CNST: variants seen among roughly 807,000 people sequenced by gnomAD.
The protein encoded by CNST is consortin.
Under a neutral mutation model 72.4 loss-of-function variants are expected in CNST, and 39 were observed. That is an observed-to-expected ratio of 0.54 (90% confidence interval 0.42 to 0.70). The LOEUF (loss-of-function observed/expected upper bound fraction) is 0.70. Ranked by LOEUF, CNST falls within the 30% of genes least tolerant of loss-of-function variation. The pLI, the probability that CNST is intolerant of heterozygous loss-of-function variation, is 0.00. For synonymous variants in CNST, 332 were observed against 320.1 expected, an observed-to-expected ratio of 1.04 and a Z score of -0.40; for missense variants, 871 against 868.5, an observed-to-expected ratio of 1.00 and a Z score of -0.04.
At chr1:246,619,694 T>G (rs753492838) in intron 2 of CNST, among the ~76,000 whole-genome samples, 1 of 152,252 alleles carries the variant, frequency 6.6e-6, no homozygotes, top group Non-Finnish European at 1.5e-5. Context: ...GGATCTGTAA[T>G]TGCTCAGAAA....
rs1667376121 is a variant in CNST at position 246,665,998 on chromosome 1, C to T, written c.*93C>T. On this transcript the variant is annotated 3_prime_UTR_variant, in exon 11 of 11. Transcript: ENST00000366513. ...TTTCAGGAATTCTGTAGCATTCCCCCTTCCCTCTGTTAGGAACCAAGGACA... is the reference window on the plus strand; with the variant it reads ...TTTCAGGAATTCTGTAGCATTCCCCTTTCCCTCTGTTAGGAACCAAGGACA... The T allele has an allele frequency of 1.1e-6, 1 of 887,608 alleles. No homozygotes were observed. The highest frequency in any genetic ancestry group is 1.7e-5 in the South Asian group (1 of 60,360). 55.0% of individuals were successfully genotyped at this position (887,608 alleles called of 1,614,324 possible).
Position 246,634,557 on chromosome 1 carries a change from G to T in CNST, c.788G>T (p.Arg263Leu), listed in dbSNP as rs761519634. Residue 263 changes from arginine (R) to leucine (L), a missense_variant, in exon 6 of 11, where the codon CGG becomes CTG. Arg to Leu is a moderately radical substitution (Grantham distance 102). Coordinates refer to ENST00000366513, the MANE Select transcript of CNST (RefSeq NM_152609.3). ...GGATTTAATGGTGAAGATTTTGAAC[G>T]GCTTACGAAAATTTGTGCAACACAT... is the stretch of plus-strand genomic sequence containing the variant. ...EKGFNGEDFE[R>L]LTKICATHQD... is the part of the protein sequence containing the mutation. 1.2e-6 allele frequency: 2 copies of T among 1,607,682 alleles called. No individual in the cohort carries two copies. Among genetic ancestry groups the T allele is most frequent in the South Asian group, 2.2e-5 (2 of 89,718 alleles).
chr1:246,664,641 T>C (rs573766741), intron 10 of CNST, among the ~76,000 whole-genome samples: 7 of 151,776 alleles, frequency 4.6e-5, no homozygotes, highest in East Asian at 3.9e-4. Context: ...TCAGCCAGGA[T>C]GGTCTCGATC....
At chr1:246,611,692 A>G (rs1663325381) in intron 2 of CNST, among the ~76,000 whole-genome samples, 1 of 152,234 alleles carries the variant, frequency 6.6e-6, no homozygotes, top group Non-Finnish European at 1.5e-5. Context: ...ACAGTTACAC[A>G]TAGAATTACC....
chr1:246,620,896 G>A (rs976960853), intron 2 of CNST, among the ~76,000 whole-genome samples: 17 of 144,936 alleles, frequency 1.2e-4, no homozygotes, highest in South Asian at 4.6e-4. Context: ...TGGGCTCTGG[G>A]CACTACAGGG....
intron 1 of CNST, among the ~76,000 whole-genome samples, chr1:246,580,037 T>G (rs948656223): frequency 8.5e-5 from 13 of 152,226 alleles, no homozygotes; most frequent in African/African-American, 3.1e-4. Flanking sequence ...CCTTTCTTAC[T>G]GCTCTGTCTT....
At chr1:246,598,497 G>GT (rs1255521970) in intron 2 of CNST, among the ~76,000 whole-genome samples, 8 of 151,966 alleles carry the variant, frequency 5.3e-5, no homozygotes, top group African/African-American at 1.9e-4. Context: ...TTCCATACTA[G>GT]TTTAATGTCA....
chr1:246,641,753 C>G lies in CNST; in HGVS notation c.823C>G (p.Leu275Val), dbSNP rs868388437. The G allele has an allele frequency of 4.5e-6, 6 of 1,348,112 alleles. No individual in the cohort carries two copies. The highest frequency in any genetic ancestry group is 3.7e-4 in the Middle Eastern group (2 of 5,454). 83.5% of individuals were successfully genotyped at this position (1,348,112 alleles called of 1,614,324 possible). A position where few individuals can be genotyped will look rare whatever the true frequency, so the allele number is the denominator to read the frequency against. Reference protein sequence around the residue: ...TKICATHQDPLLSKHKIAAVE... With the variant: ...TKICATHQDPVLSKHKIAAVE... Reference sequence around the variant, plus strand: ...TTTCTTTCTTTTTTCCTACAGTCCTCTTTTATCCAAACATAAGGTAAGAGA... The same window carrying G: ...TTTCTTTCTTTTTTCCTACAGTCCTGTTTTATCCAAACATAAGGTAAGAGA... The change falls in exon 7 of 11, where the codon CTT becomes GTT. Residue 275 changes from leucine to valine, a missense_variant. Coordinates refer to ENST00000366513, the MANE Select transcript of CNST (RefSeq NM_152609.3).
chr1:246,634,098 A>G (rs1377125955), intron 5 of CNST, 88 bp downstream of exon 5: 1 of 843,636 alleles, frequency 1.2e-6, no homozygotes, highest in Non-Finnish European at 2.0e-6. Flanking sequence ...CTGGTTTTAT[A>G]AATCAGAAAA....
At chr1:246,628,611 A>G (rs1664593313) in intron 3 of CNST, among the ~76,000 whole-genome samples, 1 of 152,216 alleles carries the variant, frequency 6.6e-6, no homozygotes, top group African/African-American at 2.4e-5. Flanking sequence ...AACTGAAGTC[A>G]TATGCTTGGC....
chr1:246,622,081 G>T (rs777615557), intron 3 of CNST, among the ~76,000 whole-genome samples: 2 of 152,126 alleles, frequency 1.3e-5, no homozygotes, highest in African/African-American at 4.8e-5. Flanking sequence ...TGGTGAGCCC[G>T]GGGGAGGGTG....
intron 6 of CNST, among the ~76,000 whole-genome samples, chr1:246,638,499 C>T (rs1389745682): frequency 6.6e-6 from 1 of 152,144 alleles, no homozygotes; most frequent in African/African-American, 2.4e-5. Context: ...CCCGTTCTTT[C>T]CAGATGGACA....
At chr1:246,605,803 G>T (rs1215943692) in intron 2 of CNST, 1 of 125,268 alleles carries the variant, frequency 8.0e-6, no homozygotes, top group Admixed American at 7.9e-5. Flanking sequence ...TCTTCCGGCC[G>T]GGGTGCGTGT....
At chr1:246,578,020 C>T (rs1426850341) in intron 1 of CNST, among the ~76,000 whole-genome samples, 1 of 151,924 alleles carries the variant, frequency 6.6e-6, no homozygotes, top group Non-Finnish European at 1.5e-5. Flanking sequence ...GAGATATAAC[C>T]ATTTTTTTCT....
chr1:246,664,675 C>T (rs1352321998), intron 10 of CNST, among the ~76,000 whole-genome samples: 2 of 152,098 alleles, frequency 1.3e-5, no homozygotes, highest in Non-Finnish European at 2.9e-5. Context: ...ATCCGCCCGC[C>T]TCAGCCTCCC....
intron 8 of CNST, among the ~76,000 whole-genome samples, chr1:246,646,903 C>T (rs1173214860): frequency 6.6e-6 from 1 of 152,142 alleles, no homozygotes; most frequent in Admixed American, 6.5e-5. Context: ...TTAATGAGGA[C>T]TAAGTGATTT....
At chr1:246,585,682 CA>C (rs1661116197) in intron 1 of CNST, among the ~76,000 whole-genome samples, 1 of 131,550 alleles carries the variant, frequency 7.6e-6, no homozygotes, top group Non-Finnish European at 1.6e-5. Flanking sequence ...CACACACACA[CA>C]CACACACACA....
At chr1:246,659,420 C>T (rs1270478967) in intron 9 of CNST, among the ~76,000 whole-genome samples, 2 of 152,090 alleles carry the variant, frequency 1.3e-5, no homozygotes, top group East Asian at 1.9e-4. Flanking sequence ...CGGTGAAACC[C>T]CGTCTCTACT....
intron 6 of CNST, among the ~76,000 whole-genome samples, chr1:246,637,630 C>G (rs1254713304): frequency 6.6e-6 from 1 of 152,152 alleles, no homozygotes; most frequent in African/African-American, 2.4e-5. Flanking sequence ...GTGAGTTGAG[C>G]TTTAAGGACA....
Sources: allele counts gnomAD v4.1 joint callset (sites outside exome capture counted in the v4.1 genomes callset), GRCh38; gene constraint gnomAD v4.1.1; transcripts MANE v1.5; gene names NCBI Gene and HGNC (gene_info 2026-07-23, HGNC 2026-07-21).